The following CFAP100 variants were observed in gnomAD, a reference collection of about 807,000 sequenced individuals.
CFAP100 encodes cilia- and flagella-associated protein 100.
In CFAP100, 70 loss-of-function variants were observed where a neutral mutation model predicts 81.5. The observed-to-expected ratio is 0.86, with a 90% CI of 0.71 to 1.05. CFAP100 has a LOEUF of 1.05. Among genes scored for constraint, CFAP100 ranks in the 50% least tolerant of loss-of-function variants. The probability of loss-of-function intolerance (pLI) is 0.00; values close to 1 mark genes in which losing one functional copy is unlikely to be tolerated. For synonymous variants in CFAP100, 341 were observed against 314.8 expected (o/e 1.08, Z -0.88); for missense variants, 811 against 776.5 (o/e 1.04, Z -0.53).
intron 2 of CFAP100, among the ~76,000 whole-genome samples, chr3:126,400,482 G>A (rs772508841): frequency 9.9e-5 from 15 of 152,056 alleles, no homozygotes; most frequent in Non-Finnish European, 1.9e-4. Flanking sequence ...AGCCTGGCAC[G>A]GTGACTCTCG....
intron 2 of CFAP100, among the ~76,000 whole-genome samples, chr3:126,402,554 G>C (rs1045983554): frequency 6.6e-6 from 1 of 152,168 alleles, no homozygotes; most frequent in African/African-American, 2.4e-5. Context: ...GCTCTGGGGG[G>C]ATAGGGCAGG....
chr3:126,436,165 G>A lies in CFAP100; in HGVS notation c.1723-126G>A. On this transcript the variant is annotated intron_variant, in intron 16 of 16. Coordinates refer to ENST00000352312, the MANE Select transcript of CFAP100 (RefSeq NM_182628.3). The stretch of plus-strand genomic sequence containing the variant: ...CAGAGTTAACTCCAGCCCTCAGCCT[G>A]CAGGGCTGACCAGAGTGGCCTGGAG... 7.6e-6 allele frequency: 5 copies of A among 656,688 alleles called. No homozygotes were observed. In the South Asian group the frequency reaches 9.3e-5, roughly 12 times the overall value. The allele number at this position is 656,688 out of a possible 1,614,324, so 40.7% of individuals were successfully genotyped here. A position where few individuals can be genotyped will look rare whatever the true frequency, so the allele number is the denominator to read the frequency against.
intron 2 of CFAP100, among the ~76,000 whole-genome samples, chr3:126,403,268 G>A (rs79935621): frequency 0.051 from 7,811 of 152,186 alleles, 286 homozygotes; most frequent in South Asian, 0.11. Context: ...CTGGTGAGGC[G>A]TCTAGGAGGA....
At chr3:126,398,923 A>G (rs575274700) in intron 2 of CFAP100, among the ~76,000 whole-genome samples, 1 of 152,258 alleles carries the variant, frequency 6.6e-6, no homozygotes, top group South Asian at 2.1e-4. Flanking sequence ...ACAGCTCTCA[A>G]CTTCACCGGC....
intron 3 of CFAP100, among the ~76,000 whole-genome samples, chr3:126,412,127 A>C (rs56151962): frequency 0.067 from 10,145 of 152,244 alleles, 429 homozygotes; most frequent in South Asian, 0.14. Flanking sequence ...AATTCAAAGA[A>C]TTTTCAAATT....
intron 10 of CFAP100, 40 bp downstream of exon 10, chr3:126,420,061 G>T: frequency 1.2e-6 from 2 of 1,613,272 alleles, no homozygotes; most frequent in Non-Finnish European, 1.7e-6. Context: ...GCCTGGCTCT[G>T]CCCTGCACAG....
chr3:126,423,699 C>T (rs895778025), intron 13 of CFAP100, 55 bp downstream of exon 13: 11 of 1,598,988 alleles, frequency 6.9e-6, no homozygotes, highest in Non-Finnish European at 7.7e-6. Flanking sequence ...TCCTGGGATC[C>T]CCCTAGCACT....
chr3:126,434,608 C>A, intron 15 of CFAP100: 1 of 540,670 alleles, frequency 1.8e-6, no homozygotes, highest in Admixed American at 3.4e-5. Context: ...TCGATGTGGC[C>A]AGGAGGCTCA....
rs145275876 is a variant in CFAP100, at chr3:126,435,625, G to A, written c.1695G>A (p.Ala565=). 728 of 1,612,088 alleles carry A rather than the reference G, an allele frequency of 4.5e-4. 3 individuals carry two copies. The African/African-American group carries it at 7.9e-3, about 17-fold the overall frequency. ...LQEEHLQRAR[A]RAQAEIKKKR... ...AGGAGCATCTGCAGCGGGCCCGGGC[G>A]CGCGCCCAGGCTGAGATCAAGAAGA... is the stretch of plus-strand genomic sequence containing the variant. Residue 565 remains alanine (A), a synonymous_variant, in exon 16 of 17, where the codon GCG becomes GCA. Coordinates refer to ENST00000352312, the MANE Select transcript of CFAP100 (RefSeq NM_182628.3).
intron 2 of CFAP100, among the ~76,000 whole-genome samples, chr3:126,405,933 A>G (rs1282064467): frequency 6.6e-6 from 1 of 152,058 alleles, no homozygotes; most frequent in Admixed American, 6.5e-5. Flanking sequence ...GACCACATCC[A>G]GATCCATTGC....
intron 13 of CFAP100, among the ~76,000 whole-genome samples, chr3:126,427,225 G>A (rs1932984714): frequency 6.6e-6 from 1 of 152,142 alleles, no homozygotes; most frequent in Non-Finnish European, 1.5e-5. Context: ...AGAAAACTGG[G>A]TGACTGACAC....
chr3:126,414,527 A>G (rs1165481688), intron 4 of CFAP100, among the ~76,000 whole-genome samples: 4 of 152,192 alleles, frequency 2.6e-5, no homozygotes, highest in African/African-American at 9.6e-5. Context: ...TCCAAGGCCC[A>G]GCTCAGCCCT....
intron 3 of CFAP100, among the ~76,000 whole-genome samples, chr3:126,408,943 C>T (rs2083113130): frequency 6.6e-6 from 1 of 152,174 alleles, no homozygotes; most frequent in African/African-American, 2.4e-5. Flanking sequence ...TGCGCACCAA[C>T]ACACCTGGCT....
At chr3:126,429,571 A>C (rs766847165) in intron 13 of CFAP100, among the ~76,000 whole-genome samples, 4 of 147,016 alleles carry the variant, frequency 2.7e-5, no homozygotes, top group Non-Finnish European at 6.0e-5. Flanking sequence ...TTTGTTTTTC[A>C]GTGATCTGCT....
At chr3:126,408,190 CTCTT>C (rs1048607642) in intron 3 of CFAP100, among the ~76,000 whole-genome samples, 3 of 152,202 alleles carry the variant, frequency 2.0e-5, no homozygotes, top group Non-Finnish European at 2.9e-5. Context: ...TGTCCTTTCT[CTCTT>C]TTTCTTTGCC....
chr3:126,420,410 T>C (rs950913637), intron 11 of CFAP100, among the ~76,000 whole-genome samples, 181 bp downstream of exon 11: 3 of 152,252 alleles, frequency 2.0e-5, no homozygotes, highest in Non-Finnish European at 4.4e-5. Context: ...GAGTAGGACC[T>C]GTGGGCAGGA....
rs375523421 is a variant in CFAP100 at position 126,434,348 on chromosome 3, C to T, written c.1595C>T (p.Ala532Val). ...EHVPQVKIEQ[A>V]ERAKEKERRI... ...GTGCCCCAGGTCAAGATCGAGCAGG[C>T]CGAGAGGGCAAAGGAGAAGGAGCGG... is the stretch of plus-strand genomic sequence containing the variant. The change falls in exon 15 of 17, where the codon GCC becomes GTC. Residue 532 changes from alanine to valine, a missense_variant. Coordinates refer to ENST00000352312, the MANE Select transcript of CFAP100 (RefSeq NM_182628.3). The T allele has an allele frequency of 1.2e-6, 2 of 1,613,780 alleles. No individual in the cohort carries two copies. Among genetic ancestry groups the T allele is most frequent in the African/African-American group, 1.3e-5 (1 of 74,920 alleles).
intron 11 of CFAP100, among the ~76,000 whole-genome samples, chr3:126,421,192 C>T (rs370655088): frequency 6.6e-5 from 10 of 151,864 alleles, no homozygotes; most frequent in Non-Finnish European, 8.8e-5. Flanking sequence ...TTAGTAGAGA[C>T]GGGGTTTTGC....
intron 13 of CFAP100, among the ~76,000 whole-genome samples, chr3:126,432,460 G>C (rs1185367758): frequency 1.3e-5 from 2 of 152,152 alleles, no homozygotes; most frequent in Non-Finnish European, 2.9e-5. Context: ...ATCAATGGAT[G>C]AATGGATCAA....
Sources: gnomAD v4.1 joint callset for allele counts (sites outside exome capture counted in the v4.1 genomes callset) on GRCh38, gnomAD v4.1.1 for gene constraint, MANE v1.5 for transcripts, NCBI Gene and HGNC (gene_info 2026-07-23, HGNC 2026-07-21) for gene names.